ITFG1: variants seen among roughly 807,000 people sequenced by gnomAD.
ITFG1 encodes the protein T-cell immunomodulatory protein.
A neutral mutation model predicts 81.8 loss-of-function variants in ITFG1; 34 were observed. That is an observed-to-expected ratio of 0.42 (90% CI 0.32 to 0.55). ITFG1 has a LOEUF of 0.55. ITFG1 is among the 20% of genes least tolerant of loss of function. The pLI, the probability that ITFG1 is intolerant of heterozygous loss-of-function variation, is 0.17. For synonymous variants in ITFG1, 285 were observed against 270.6 expected (o/e 1.05, Z -0.52); for missense variants, 672 against 755.4 (o/e 0.89, Z 1.29).
chr16:47,369,400 T>C (rs1007448709), intron 7 of ITFG1, among the ~76,000 whole-genome samples: 1 of 152,204 alleles, frequency 6.6e-6, no homozygotes, highest in Admixed American at 6.5e-5. Context: ...AAACATACTG[T>C]CTACTTGCAG....
intron 8 of ITFG1, among the ~76,000 whole-genome samples, chr16:47,328,462 A>C (rs1222478653): frequency 6.6e-6 from 1 of 152,090 alleles, no homozygotes; most frequent in Non-Finnish European, 1.5e-5. Context: ...CCTAAAACTT[A>C]AAGTATAATA....
rs960107800 is a variant in ITFG1, at chr16:47,290,272, G to C, written c.1070+20968C>G. 2.6e-5 allele frequency among the ~76,000 whole-genome samples: 4 copies of C among 152,144 alleles called. 1 individual carries two copies. Among genetic ancestry groups the C allele is most frequent in the Admixed American group, 2.6e-4 (4 of 15,270 alleles). On this transcript the variant is annotated intron_variant, in intron 10 of 17. Transcript: ENST00000320640. ...TTACCCTGGAGAGTGCTGATGGAAA[G>C]AATGTGCCTTCTCTAGCTGTTGGAT...
chr16:47,161,882 CAATT>C, intron 15 of ITFG1, 50 bp from the exon 16 acceptor site: 1 of 1,038,046 alleles, frequency 9.6e-7, no homozygotes, highest in African/African-American at 1.6e-5. Context: ...TTAAAAAACA[CAATT>C]ATTATTCTAA....
intron 6 of ITFG1, among the ~76,000 whole-genome samples, chr16:47,399,661 C>T (rs1968636021): frequency 6.6e-6 from 1 of 151,980 alleles, no homozygotes; most frequent in South Asian, 2.1e-4. Flanking sequence ...GTGCAGAATA[C>T]ACTTATAAAG....
chr16:47,170,893 C>A (rs1228203936), intron 14 of ITFG1, among the ~76,000 whole-genome samples: 1 of 151,756 alleles, frequency 6.6e-6, no homozygotes, highest in East Asian at 1.9e-4. Flanking sequence ...CACCACCACA[C>A]CCAGCTAATT....
intron 14 of ITFG1, among the ~76,000 whole-genome samples, chr16:47,174,021 CA>C (rs2151510869): frequency 6.6e-6 from 1 of 152,226 alleles, no homozygotes; most frequent in South Asian, 2.1e-4. Context: ...GCCTGGACAA[CA>C]AGAGCAAAAC....
At chr16:47,345,291 C>CTT (rs113155280) in intron 8 of ITFG1, among the ~76,000 whole-genome samples, 2 of 145,218 alleles carry the variant, frequency 1.4e-5, no homozygotes, top group African/African-American at 5.1e-5. Flanking sequence ...CAAAAAAACT[C>CTT]TTTTTTTTTT....
intron 6 of ITFG1, among the ~76,000 whole-genome samples, chr16:47,416,665 C>CCT (rs548864438): frequency 1.1e-4 from 17 of 152,066 alleles, no homozygotes; most frequent in Admixed American, 7.2e-4. Context: ...GGCATTCCCC[C>CCT]CTCTCTCTCT....
Position 47,296,790 on chromosome 16 carries a change from G to A in ITFG1, c.1070+14450C>T, listed in dbSNP as rs115095836. On this transcript the variant is annotated intron_variant, in intron 10 of 17. Coordinates refer to ENST00000320640, the MANE Select transcript of ITFG1 (RefSeq NM_030790.5). Reference sequence around the variant, plus strand: ...TATTGATTTCTAGTTTTATTCTGCTGTGATCTGAAAAGATACTTGACATGA... The same window carrying A: ...TATTGATTTCTAGTTTTATTCTGCTATGATCTGAAAAGATACTTGACATGA... Among the ~76,000 whole-genome samples, 636 of 152,242 alleles carry A rather than the reference G, an allele frequency of 4.2e-3. 5 individuals carry two copies. Among genetic ancestry groups the A allele is most frequent in the African/African-American group, 0.015 (607 of 41,558 alleles).
intron 8 of ITFG1, among the ~76,000 whole-genome samples, chr16:47,343,502 C>A (rs183483721): frequency 1.7e-4 from 26 of 151,896 alleles, no homozygotes; most frequent in Non-Finnish European, 3.5e-4. Context: ...TTGAAAAATT[C>A]AATAATAAAA....
intron 12 of ITFG1, among the ~76,000 whole-genome samples, chr16:47,245,122 G>A (rs1206365009): frequency 6.6e-6 from 1 of 152,076 alleles, no homozygotes; most frequent in Non-Finnish European, 1.5e-5. Context: ...TGAGGCGGGT[G>A]GACCACCTAA....
intron 13 of ITFG1, among the ~76,000 whole-genome samples, chr16:47,228,088 A>G (rs1040986374): frequency 1.3e-5 from 2 of 152,224 alleles, no homozygotes; most frequent in Non-Finnish European, 2.9e-5. Flanking sequence ...TAAGGTAAGT[A>G]AAGGACTGTA....
At chr16:47,350,592 A>G (rs1022934997) in intron 8 of ITFG1, among the ~76,000 whole-genome samples, 1 of 152,216 alleles carries the variant, frequency 6.6e-6, no homozygotes, top group Admixed American at 6.5e-5. Context: ...AACCAAAAAC[A>G]GTCCAGGACC....
intron 8 of ITFG1, among the ~76,000 whole-genome samples, chr16:47,325,826 T>A (rs556478729): frequency 6.6e-6 from 1 of 152,126 alleles, no homozygotes; most frequent in Non-Finnish European, 1.5e-5. Context: ...ACTGAGGCAA[T>A]AATAAATAGC....
intron 16 of ITFG1, among the ~76,000 whole-genome samples, chr16:47,161,331 T>C (rs1964802159): frequency 6.6e-6 from 1 of 152,214 alleles, no homozygotes; most frequent in Non-Finnish European, 1.5e-5. Context: ...GCAATGGAGC[T>C]GAATCATTTT....
chr16:47,404,271 A>G (rs1027383265), intron 6 of ITFG1, among the ~76,000 whole-genome samples: 5 of 152,192 alleles, frequency 3.3e-5, no homozygotes, highest in African/African-American at 4.8e-5. Flanking sequence ...GCAAGACTTG[A>G]TAAGTTAAAA....
In ITFG1 at chr16:47,311,494, GT is replaced by G. The variant is rs1967261383; in HGVS notation, c.898-83del. On this transcript the variant is annotated intron_variant, in intron 9 of 17. Transcript: ENST00000320640. ...ATTTGCAAAACAAACGATCCATTAA[GT>G]TTTCAAGATAAGCATTATTTTACTT... The G allele has an allele frequency of 1.5e-5, 16 of 1,069,240 alleles. No individual in the cohort carries two copies. In the South Asian group the frequency reaches 2.8e-4, roughly 19 times the overall value. The allele number at this position is 1,069,240 out of a possible 1,614,324, so 66.2% of individuals were successfully genotyped here.
At chr16:47,453,910 G>T in intron 3 of ITFG1, 103 bp downstream of exon 3, 1 of 740,234 alleles carries the variant, frequency 1.4e-6, no homozygotes, top group Non-Finnish European at 2.2e-6. Context: ...TACAATTATT[G>T]ACACCCAAGA....
At chr16:47,374,059 A>G (rs958221071) in intron 7 of ITFG1, among the ~76,000 whole-genome samples, 2 of 152,052 alleles carry the variant, frequency 1.3e-5, no homozygotes, top group African/African-American at 2.4e-5. Context: ...ACTTATCCCA[A>G]CCACTACCCT....
Sources: allele counts gnomAD v4.1 joint callset (sites outside exome capture counted in the v4.1 genomes callset), GRCh38; gene constraint gnomAD v4.1.1; transcripts MANE v1.5; gene names NCBI Gene and HGNC (gene_info 2026-07-23, HGNC 2026-07-21).